The following OTUD5 variants were observed in gnomAD, a reference collection of about 807,000 sequenced individuals.
OTUD5 encodes OTU deubiquitinase 5.
In OTUD5, 2 loss-of-function variants were observed where a neutral mutation model predicts 36.3. The observed-to-expected ratio is 0.06, with a 90% confidence interval of 0.02 to 0.17. OTUD5 has a LOEUF of 0.17. OTUD5 is among the 10% of genes least tolerant of loss of function. The pLI, the probability that OTUD5 is intolerant of heterozygous loss-of-function variation, is 1.00. For missense variants in OTUD5, 233 were observed against 512.3 expected, an observed-to-expected ratio of 0.45 and a Z score of 5.26; for synonymous variants, 234 against 214.9, an observed-to-expected ratio of 1.09 and a Z score of -0.78.
chrX:48,928,961 A>G (rs1464030376), intron 5 of OTUD5, among the ~76,000 whole-genome samples: 5 of 111,136 alleles, frequency 4.5e-5, no homozygotes, highest in African/African-American at 1.6e-4. Context: ...AAGCATATGG[A>G]GTATGAGGAA....
chrX:48,941,538 T>C (rs1239164714), intron 2 of OTUD5, among the ~76,000 whole-genome samples: 1 of 109,142 alleles, frequency 9.2e-6, no homozygotes, highest in African/African-American at 3.4e-5. Flanking sequence ...GAGCATGTCA[T>C]TTCCCTTTCT....
chrX:48,942,244 TACACACACACACACACACACAC>T (rs1188711919), intron 2 of OTUD5, among the ~76,000 whole-genome samples: 1 of 57,105 alleles, frequency 1.8e-5, no homozygotes, highest in African/African-American at 7.5e-5. Flanking sequence ...CACACACACA[TACACACACACACACACACACAC>T]ACACACACAC....
chrX:48,941,997 T>C (rs1369007370), intron 2 of OTUD5, among the ~76,000 whole-genome samples: 3 of 110,748 alleles, frequency 2.7e-5, no homozygotes, highest in Non-Finnish European at 5.7e-5. Flanking sequence ...GTAGCCATAG[T>C]GCCGATAAGG....
At chrX:48,956,023 A>G (rs2147695552) in intron 1 of OTUD5, among the ~76,000 whole-genome samples, 1 of 110,895 alleles carries the variant, frequency 9.0e-6, no homozygotes, top group Admixed American at 9.5e-5. Context: ...TGTGAGTCTC[A>G]TTTTCCTGAA....
chrX:48,951,980 CG>C (rs1569516594), intron 1 of OTUD5, among the ~76,000 whole-genome samples: 1 of 109,901 alleles, frequency 9.1e-6, no homozygotes. Flanking sequence ...CACTTGAACC[CG>C]GAAGCCGGAG....
At position 48,925,913 on chromosome X, in the gene OTUD5, C is replaced by T; in HGVS notation, c.1197G>A (p.Arg399=). 1 of 1,211,223 alleles carries T rather than the reference C, an allele frequency of 8.3e-7. No individual in the cohort carries two copies. The highest frequency in any genetic ancestry group is 1.1e-6 in the Non-Finnish European group (1 of 895,050). ...TNEAIEEQVA[R]ESYLQWLRDQ... is the part of the protein sequence containing the mutation. ...CCCGCAACCACTGCAGGTAGGATTC[C>T]CGAGCCACCTGCTCCTCGATGGCTT... The change falls in exon 6 of 9, where the codon CGG becomes CGA. Residue 399 remains arginine, a synonymous_variant. Coordinates refer to ENST00000376488, the MANE Select transcript of OTUD5 (RefSeq NM_001136157.2).
rs1557046662 is a variant in OTUD5 at position 48,923,072 on chromosome X, A to G, written c.*102T>C. The G allele has an allele frequency of 8.4e-7, 1 of 1,185,154 alleles. No homozygotes were observed. Among genetic ancestry groups the G allele is most frequent in the African/African-American group, 1.8e-5 (1 of 56,307 alleles). On this transcript the variant is annotated 3_prime_UTR_variant, in exon 9 of 9. Transcript: ENST00000376488. ...GGAGGGAAAAGAGGGGAGAGCAGAA[A>G]GAACAGAAGGAGGCAAGAGGGAAGA...
intron 2 of OTUD5, 33 bp from the exon 3 acceptor site, chrX:48,935,051 C>T: frequency 1.8e-6 from 2 of 1,123,465 alleles, no homozygotes; most frequent in Non-Finnish European, 2.4e-6. Context: ...CAGCTAGGGT[C>T]AGAGATGCCA....
chrX:48,947,826 G>C (rs1384393174), intron 1 of OTUD5, among the ~76,000 whole-genome samples: 6 of 111,905 alleles, frequency 5.4e-5, no homozygotes, highest in Non-Finnish European at 9.4e-5. Flanking sequence ...AACTGGATGA[G>C]AAATGAAGTC....
chrX:48,942,204 G>A (rs188464395), intron 2 of OTUD5, among the ~76,000 whole-genome samples: 27 of 94,664 alleles, frequency 2.9e-4, no homozygotes, highest in African/African-American at 1.1e-3. Context: ...CAAGGGTCGG[G>A]GGTATTTGGG....
chrX:48,934,935 A>G lies in OTUD5; in HGVS notation c.753+19T>C. 1 of 1,207,806 alleles carries G rather than the reference A, an allele frequency of 8.3e-7. No individual in the cohort carries two copies. The highest frequency in any genetic ancestry group is 1.1e-6 in the Non-Finnish European group (1 of 891,808). The stretch of plus-strand genomic sequence containing the variant: ...ATCCTCCCACCCTGCCCCTTCCCCA[A>G]AGGCCTCCATTTTCTCACCAGATAG... On this transcript the variant is annotated intron_variant, in intron 3 of 8. Transcript: ENST00000376488.
chrX:48,940,980 C>G (rs782591530), intron 2 of OTUD5, among the ~76,000 whole-genome samples: 5 of 111,451 alleles, frequency 4.5e-5, no homozygotes, highest in African/African-American at 1.6e-4. Flanking sequence ...TCCAGGGGAA[C>G]AGAAGGCAGA....
rs1236313906 is a variant in OTUD5 at position 48,926,350 on chromosome X, TA to T, written c.1060-301del. ...GTCAGGTGCCTTCCAACCTGGGACT[TA>T]TTTTTTTTTTTTTTTCTGAGACGAA... On this transcript the variant is annotated intron_variant, in intron 5 of 8. Transcript: ENST00000376488. 5.9e-4 allele frequency among the ~76,000 whole-genome samples: 8 copies of T among 13,638 alleles called. No individual in the cohort carries two copies. The South Asian group carries it at 0.054, about 93-fold the overall frequency. 11.8% of individuals were successfully genotyped at this position (13,638 alleles called of 115,157 possible).
chrX:48,942,087 G>A (rs945265407), intron 2 of OTUD5, among the ~76,000 whole-genome samples: 2 of 110,064 alleles, frequency 1.8e-5, no homozygotes, highest in South Asian at 3.9e-4. Flanking sequence ...AGGAAGGGTC[G>A]GGAGTATTTG....
chrX:48,957,734 C>T (rs868920393), upstream of OTUD5: 33 of 727,750 alleles, frequency 4.5e-5, no homozygotes, highest in Middle Eastern at 7.2e-3. Flanking sequence ...GAGGAGGCGG[C>T]GGCGGCGGCG....
chrX:48,939,387 G>A (rs782356649), intron 2 of OTUD5, among the ~76,000 whole-genome samples: 45 of 111,309 alleles, frequency 4.0e-4, no homozygotes, highest in African/African-American at 1.4e-3. Context: ...GGGCCACAGA[G>A]GCCAATATGA....
At chrX:48,932,978 C>T (rs941243778) in intron 5 of OTUD5, among the ~76,000 whole-genome samples, 2 of 109,079 alleles carry the variant, frequency 1.8e-5, no homozygotes, top group African/African-American at 6.7e-5. Context: ...AGAGTGAGAC[C>T]CTGTCTCTCC....
upstream of OTUD5, chrX:48,957,828 T>C (rs2064284495): frequency 1.3e-6 from 1 of 760,546 alleles, no homozygotes; most frequent in Non-Finnish European, 1.6e-6. Flanking sequence ...GAGTTTGTCT[T>C]AGCCTTCTCT....
chrX:48,934,269 CAAACCAAGACCAA>C (rs1390319626), intron 5 of OTUD5, among the ~76,000 whole-genome samples, 182 bp downstream of exon 5: 2 of 110,851 alleles, frequency 1.8e-5, no homozygotes. Context: ...CTCAGACAGG[CAAACCAAGACCAA>C]AGAACAAGCC....
Sources: allele counts gnomAD v4.1 joint callset (sites outside exome capture counted in the v4.1 genomes callset), GRCh38; gene constraint gnomAD v4.1.1; transcripts MANE v1.5; gene names NCBI Gene and HGNC (gene_info 2026-07-23, HGNC 2026-07-21).